Variants in EPC2 observed in about 807,000 individuals in gnomAD.
EPC2 encodes enhancer of polycomb 2.
A neutral mutation model predicts 92.1 loss-of-function variants in EPC2; 14 were observed. The observed-to-expected ratio is 0.15, with a 90% CI of 0.10 to 0.24. The LOEUF (loss-of-function observed/expected upper bound fraction) is 0.24, where lower values mean the gene tolerates loss of function less well. EPC2 is among the 10% of genes least tolerant of loss of function. EPC2 has a pLI of 1.00. For missense variants in EPC2, 755 were observed against 971.5 expected (o/e 0.78, Z 2.96); for synonymous variants, 340 against 334.7 (o/e 1.02, Z -0.17).
At chr2:148,706,265 A>C (rs1681997305) in intron 2 of EPC2, among the ~76,000 whole-genome samples, 1 of 152,110 alleles carries the variant, frequency 6.6e-6, no homozygotes, top group Non-Finnish European at 1.5e-5. Flanking sequence ...ATTGAAGATC[A>C]AATGAATGAA....
chr2:148,766,205 G>C (rs560084963), intron 7 of EPC2, among the ~76,000 whole-genome samples: 27 of 152,126 alleles, frequency 1.8e-4, no homozygotes, highest in Admixed American at 1.1e-3. Flanking sequence ...TTTTTGACTT[G>C]TTTGCTTTAA....
At chr2:148,739,140 AAG>A (rs1463667668) in intron 2 of EPC2, among the ~76,000 whole-genome samples, 1 of 152,222 alleles carries the variant, frequency 6.6e-6, no homozygotes, top group Non-Finnish European at 1.5e-5. Flanking sequence ...AAGAAGCTGA[AAG>A]TGTGCTTTCT....
intron 7 of EPC2, among the ~76,000 whole-genome samples, chr2:148,768,841 A>G (rs966997848): frequency 1.3e-5 from 2 of 152,230 alleles, no homozygotes; most frequent in Non-Finnish European, 2.9e-5. Context: ...AGCCACATAC[A>G]TTATTTATAA....
At chr2:148,693,585 A>T (rs144990683) in intron 2 of EPC2, among the ~76,000 whole-genome samples, 12 of 152,190 alleles carry the variant, frequency 7.9e-5, no homozygotes, top group East Asian at 3.9e-4. Context: ...CTTCCTCTAC[A>T]CTGTAACCTC....
chr2:148,671,735 C>T (rs1558804248), intron 1 of EPC2, among the ~76,000 whole-genome samples: 1 of 152,102 alleles, frequency 6.6e-6, no homozygotes, highest in African/African-American at 2.4e-5. Flanking sequence ...TTGTCCGTCC[C>T]TTTATTTTTA....
intron 1 of EPC2, among the ~76,000 whole-genome samples, chr2:148,661,837 A>G (rs908091957): frequency 6.6e-6 from 1 of 152,194 alleles, no homozygotes; most frequent in Non-Finnish European, 1.5e-5. Flanking sequence ...ATAATTAGTG[A>G]TGAATAGTAT....
intron 10 of EPC2, among the ~76,000 whole-genome samples, chr2:148,776,540 C>T (rs1013404923): frequency 2.6e-5 from 4 of 152,146 alleles, no homozygotes; most frequent in South Asian, 2.1e-4. Flanking sequence ...GTCAACCCTC[C>T]TGGATATGTT....
chr2:148,729,031 CAAAAAAAAAAA>C (rs376309552), intron 2 of EPC2, among the ~76,000 whole-genome samples: 34 of 63,646 alleles, frequency 5.3e-4, no homozygotes, highest in Admixed American at 1.6e-3. Flanking sequence ...AACTCCATCT[CAAAAAAAAAAA>C]AAAAAAAAAA....
chr2:148,781,107 A>G (rs889368033), intron 10 of EPC2, among the ~76,000 whole-genome samples: 7 of 152,152 alleles, frequency 4.6e-5, no homozygotes, highest in Non-Finnish European at 8.8e-5. Context: ...CGTTGAATCT[A>G]TTGGCTTAAA....
intron 1 of EPC2, among the ~76,000 whole-genome samples, chr2:148,683,336 C>T (rs1042202905): frequency 2.6e-5 from 4 of 151,474 alleles, no homozygotes; most frequent in Non-Finnish European, 4.4e-5. Context: ...GGCATGATCT[C>T]GGCTCACTGC....
intron 2 of EPC2, among the ~76,000 whole-genome samples, chr2:148,700,339 A>G (rs1681846764): frequency 6.6e-6 from 1 of 152,092 alleles, no homozygotes; most frequent in Admixed American, 6.5e-5. Flanking sequence ...TTATTTTCTA[A>G]AAGTTTTGTA....
chr2:148,747,107 A>G (rs1011913623), intron 3 of EPC2, among the ~76,000 whole-genome samples: 1 of 152,068 alleles, frequency 6.6e-6, no homozygotes, highest in Non-Finnish European at 1.5e-5. Context: ...TTTAATGTAT[A>G]ACCCTTATCT....
chr2:148,726,957 T>C (rs1037380025), intron 2 of EPC2, among the ~76,000 whole-genome samples: 1 of 152,112 alleles, frequency 6.6e-6, no homozygotes, highest in African/African-American at 2.4e-5. Context: ...TGTCTGTTTT[T>C]TCTTTGTTAC....
intron 3 of EPC2, among the ~76,000 whole-genome samples, chr2:148,744,993 C>G (rs1346007480): frequency 9.1e-6 from 1 of 110,330 alleles, no homozygotes; most frequent in Non-Finnish European, 2.1e-5. Flanking sequence ...CAGTTTGCCC[C>G]CCCCCCCCGC....
At chr2:148,670,337 CTCTT>C (rs973909486) in intron 1 of EPC2, among the ~76,000 whole-genome samples, 3 of 150,600 alleles carry the variant, frequency 2.0e-5, no homozygotes, top group East Asian at 2.0e-4. Context: ...TCCATGTTAA[CTCTT>C]TTTTTTTTTT....
rs575537962 is a variant in EPC2 at position 148,725,728 on chromosome 2, C to T, written c.314-17894C>T. Among the ~76,000 whole-genome samples the T allele has an allele frequency of 2.0e-5, 3 of 152,212 alleles. No individual in the cohort carries two copies. In the South Asian group the frequency reaches 6.2e-4, roughly 32 times the overall value. On this transcript the variant is annotated intron_variant, in intron 2 of 13. Coordinates refer to ENST00000258484, the MANE Select transcript of EPC2 (RefSeq NM_015630.4). ...TTTTAGATTACAAGCCAATTATTTT[C>T]TCAAAAGTTCCTCAATTTGGGTATA... is the stretch of plus-strand genomic sequence containing the variant.
In EPC2 at chr2:148,762,686, T is replaced by G; in HGVS notation, c.832T>G (p.Tyr278Asp). ...VVEKRYHLGD[Y>D]GGEILNEVKI... ...CTTTTCAAGATACCATTTGGGAGAC[T>G]ATGGTGGTGAAATCCTTAATGAAGT... is the stretch of plus-strand genomic sequence containing the variant. Residue 278 changes from tyrosine (Y) to aspartate (D), a missense_variant, in exon 6 of 14, where the codon TAT becomes GAT. Coordinates refer to ENST00000258484, the MANE Select transcript of EPC2 (RefSeq NM_015630.4). 1.2e-6 allele frequency: 2 copies of G among 1,603,658 alleles called. No individual in the cohort carries two copies. The highest frequency in any genetic ancestry group is 1.7e-6 in the Non-Finnish European group (2 of 1,174,512).
In EPC2 at chr2:148,644,975, C is replaced by CCCGCCG. The variant is rs746344517; in HGVS notation, c.-34_-29dup. 1.5e-4 allele frequency: 236 copies of CCCGCCG among 1,533,198 alleles called. No homozygotes were observed. The highest frequency in any genetic ancestry group is 4.6e-4 in the Middle Eastern group (2 of 4,348). 95.0% of individuals were successfully genotyped at this position (1,533,198 alleles called of 1,614,324 possible). ...GAGTCCTCCCCCCCTCCCCGCCCGC[C>CCCGCCG]CCGCCGCCGCCGCCCGGGCTGTTCC... On this transcript the variant is annotated 5_prime_UTR_variant, in exon 1 of 14. Transcript: ENST00000258484.
chr2:148,702,108 T>G (rs957148393), intron 2 of EPC2, among the ~76,000 whole-genome samples: 1 of 152,108 alleles, frequency 6.6e-6, no homozygotes, highest in Non-Finnish European at 1.5e-5. Context: ...TTTTTTTTTC[T>G]TAGAGATTAT....
Sources: allele counts gnomAD v4.1 joint callset (sites outside exome capture counted in the v4.1 genomes callset), GRCh38; gene constraint gnomAD v4.1.1; transcripts MANE v1.5; gene names NCBI Gene and HGNC (gene_info 2026-07-23, HGNC 2026-07-21).